CTNNB1: variants seen among roughly 807,000 people sequenced by gnomAD.
CTNNB1 encodes catenin beta-1.
Under a neutral mutation model 82.5 loss-of-function variants are expected in CTNNB1, and 6 were observed. The ratio of observed to expected loss-of-function variants is 0.07; its 90% CI spans 0.04 to 0.14. The LOEUF (loss-of-function observed/expected upper bound fraction) is 0.14. Ranked by LOEUF, CTNNB1 falls within the 10% of genes least tolerant of loss-of-function variation. CTNNB1 has a pLI of 1.00. For missense variants in CTNNB1, 529 were observed against 980.4 expected, an observed-to-expected ratio of 0.54 and a Z score of 6.15; for synonymous variants, 312 against 329.7, an observed-to-expected ratio of 0.95 and a Z score of 0.58.
Position 41,225,175 on chromosome 3 carries a change from G to C in CTNNB1, c.463G>C (p.Glu155Gln), listed in dbSNP as rs2125621085. 1.2e-6 allele frequency: 2 copies of C among 1,614,028 alleles called. No homozygotes were observed. The highest frequency in any genetic ancestry group is 8.5e-7 in the Non-Finnish European group (1 of 1,179,978). ...DAELATRAIPELTKLLNDEDQ... is the reference protein window; with the variant it reads ...DAELATRAIPQLTKLLNDEDQ... ...AGAACTTGCCACACGTGCAATCCCT[G>C]AACTGACAAAACTGCTAAATGACGA... Residue 155 changes from glutamate to glutamine, a missense_variant, in exon 4 of 15, where the codon GAA (glutamate) becomes CAA (glutamine). By Grantham distance (29) the Glu-to-Gln change is conservative. Transcript: ENST00000349496. The surrounding 1 kb of genome is among the most constrained non-coding windows in gnomAD (Gnocchi z 5.3).
chr3:41,205,510 C>T (rs1386700731), intron 1 of CTNNB1, among the ~76,000 whole-genome samples: 1 of 151,920 alleles, frequency 6.6e-6, no homozygotes, highest in Non-Finnish European at 1.5e-5. Context: ...GCCTGGCCGA[C>T]GTGGTGAATA....
intron 13 of CTNNB1, 86 bp from the exon 14 acceptor site, chr3:41,237,929 GA>G (rs1394705556): frequency 6.3e-6 from 7 of 1,109,080 alleles, no homozygotes; most frequent in Non-Finnish European, 9.7e-6. Flanking sequence ...TTTGTAATCT[GA>G]AAGTATGCTT....
At chr3:41,224,477 A>T (rs2125616348) in intron 2 of CTNNB1, 49 bp from the exon 3 acceptor site, 2 of 1,502,536 alleles carry the variant, frequency 1.3e-6, no homozygotes, top group Non-Finnish European at 1.8e-6. Flanking sequence ...TTTTTAAATT[A>T]AAGTAACATT....
intron 1 of CTNNB1, chr3:41,211,026 C>T (rs761311180): frequency 1.1e-5 from 5 of 456,366 alleles, no homozygotes; most frequent in Non-Finnish European, 2.2e-5. Context: ...TTCCTGGCAT[C>T]AAGTAATCCT....
At chr3:41,213,506 A>G (rs1029909444) in intron 1 of CTNNB1, among the ~76,000 whole-genome samples, 1 of 152,190 alleles carries the variant, frequency 6.6e-6, no homozygotes, top group Admixed American at 6.5e-5. Flanking sequence ...TTCTGCAGTA[A>G]TCACTACTGC....
chr3:41,208,761 C>G lies in CTNNB1; in HGVS notation c.-49+9091C>G, dbSNP rs576489620. ...CCTTCCAAGATAAGGCCACTCAGTT[C>G]ATTTGTACAGCAGATTCCATCCCCT... On this transcript the variant is annotated intron_variant, in intron 1 of 14. Transcript: ENST00000349496. Among the ~76,000 whole-genome samples the G allele has an allele frequency of 2.0e-4, 31 of 152,322 alleles. No homozygotes were observed. In the South Asian group the frequency reaches 6.4e-3, roughly 32 times the overall value.
intron 1 of CTNNB1, among the ~76,000 whole-genome samples, chr3:41,202,582 C>T (rs78308993): frequency 1.2e-3 from 183 of 152,216 alleles, no homozygotes; most frequent in Middle Eastern, 3.4e-3. Context: ...TCTGGTTTGT[C>T]CATCGTATGT....
In CTNNB1 at chr3:41,227,120, T is replaced by C; in HGVS notation, c.937-88T>C. On this transcript the variant is annotated intron_variant, in intron 6 of 14. Transcript: ENST00000349496. ...AATGGCAAGCTGGCTGAAATTCTTG[T>C]ATAATAAAATAGGTTGGTAATATGG... is the stretch of plus-strand genomic sequence containing the variant. The C allele has an allele frequency of 6.1e-6, 7 of 1,154,636 alleles. 1 individual carries two copies. The South Asian group carries it at 8.7e-5, about 14-fold the overall frequency. The allele number at this position is 1,154,636 out of a possible 1,614,324, so 71.5% of individuals were successfully genotyped here. A position where few individuals can be genotyped will look rare whatever the true frequency, so the allele number is the denominator to read the frequency against.
At chr3:41,214,779 TA>T (rs1307159720) in intron 1 of CTNNB1, among the ~76,000 whole-genome samples, 55 of 146,502 alleles carry the variant, frequency 3.8e-4, no homozygotes, top group Non-Finnish European at 4.7e-4. Context: ...TTTGGATAGC[TA>T]AAAAAAAAAA....
At chr3:41,217,910 G>A (rs1319607985) in intron 1 of CTNNB1, among the ~76,000 whole-genome samples, 6 of 151,840 alleles carry the variant, frequency 4.0e-5, no homozygotes, top group African/African-American at 1.2e-4. Flanking sequence ...ATTATGTTAC[G>A]GATGTTCTAG....
At chr3:41,213,310 CCTT>C (rs1168983751) in intron 1 of CTNNB1, among the ~76,000 whole-genome samples, 2 of 152,190 alleles carry the variant, frequency 1.3e-5, no homozygotes, top group East Asian at 3.9e-4. Flanking sequence ...CCTTTTGCAT[CCTT>C]CTTCAGGTCT....
rs2078549263 is a variant in CTNNB1 at position 41,240,202 on chromosome 3, A to AAT, written c.*861_*862dup. The AAT allele has an allele frequency of 5.0e-6, 1 of 200,394 alleles. No individual in the cohort carries two copies. Among genetic ancestry groups the AAT allele is most frequent in the African/African-American group, 2.3e-5 (1 of 43,504 alleles). The allele number at this position is 200,394 out of a possible 1,614,324, so 12.4% of individuals were successfully genotyped here. ...AAAATAGACAAATAGAAAATGGTCCAATTAGTTTCCTTTTTAATATGCTTA... is the reference window on the plus strand; with the variant it reads ...AAAATAGACAAATAGAAAATGGTCCAATATTAGTTTCCTTTTTAATATGCTTA... On this transcript the variant is annotated 3_prime_UTR_variant, in exon 15 of 15. Coordinates refer to ENST00000349496, the MANE Select transcript of CTNNB1 (RefSeq NM_001904.4).
rs199520693 is a variant in CTNNB1 at position 41,238,103 on chromosome 3, C to T, written c.2137+27C>T. 4 of 1,597,432 alleles carry T rather than the reference C, an allele frequency of 2.5e-6. No homozygotes were observed. The East Asian group carries it at 8.9e-5, about 36-fold the overall frequency. On this transcript the variant is annotated intron_variant, in intron 14 of 14. Transcript: ENST00000349496. ...TATGTGTCTCATATTTCTCGATTAA[C>T]TCCAGATCAAGCTAAAGTTCTAAAA...
intron 1 of CTNNB1, chr3:41,220,852 G>A (rs2078031047): frequency 6.6e-6 from 1 of 152,150 alleles, no homozygotes; most frequent in African/African-American, 2.4e-5. Context: ...GAAAACTAAG[G>A]TAATTAAGAT....
At chr3:41,212,073 C>T (rs746319348) in intron 1 of CTNNB1, among the ~76,000 whole-genome samples, 1 of 152,194 alleles carries the variant, frequency 6.6e-6, no homozygotes, top group African/African-American at 2.4e-5. Context: ...TTTCCTCAAA[C>T]TGATGAAGCC....
chr3:41,207,808 G>T (rs1286916749), intron 1 of CTNNB1, among the ~76,000 whole-genome samples: 1 of 152,058 alleles, frequency 6.6e-6, no homozygotes, highest in Admixed American at 6.5e-5. Context: ...CTGTAACCTA[G>T]CCTTCTCCCC....
intron 10 of CTNNB1, chr3:41,234,643 T>G: frequency 3.1e-6 from 1 of 321,246 alleles, no homozygotes; most frequent in Non-Finnish European, 5.9e-6. Context: ...TCAGAGCCTC[T>G]TACCCTTGCC....
intron 1 of CTNNB1, among the ~76,000 whole-genome samples, chr3:41,222,532 C>A (rs2078074109): frequency 1.3e-5 from 2 of 152,266 alleles, no homozygotes; most frequent in South Asian, 4.1e-4. Flanking sequence ...TGGGAAGTCC[C>A]AGTGTACAAA....
At chr3:41,213,417 G>C (rs2077842580) in intron 1 of CTNNB1, among the ~76,000 whole-genome samples, 1 of 152,088 alleles carries the variant, frequency 6.6e-6, no homozygotes, top group East Asian at 1.9e-4. Flanking sequence ...TCTCCCACTT[G>C]TTAATTAGTT....
Sources: gnomAD v4.1 joint callset for allele counts (sites outside exome capture counted in the v4.1 genomes callset) on GRCh38, gnomAD v4.1.1 for gene constraint, Gnocchi (gnomAD v3.1) non-coding constraint, MANE v1.5 for transcripts, NCBI Gene and HGNC (gene_info 2026-07-23, HGNC 2026-07-21) for gene names.